Variants in GAREM1 observed in about 807,000 individuals in gnomAD.
The protein encoded by GAREM1 is GRB2 associated regulator of MAPK1 subtype 1, also known as GRB2-associated and regulator of MAPK protein 1.
GAREM1 carries 26 observed loss-of-function variants against 71.3 expected under a neutral mutation model. That is an observed-to-expected ratio of 0.36 (90% CI 0.27 to 0.51). GAREM1 has a LOEUF of 0.51. Ranked by LOEUF, GAREM1 falls within the 20% of genes least tolerant of loss-of-function variation. GAREM1 has a pLI of 0.95. For synonymous variants in GAREM1, 440 were observed against 433.2 expected, an observed-to-expected ratio of 1.02 and a Z score of -0.20; for missense variants, 1,026 against 1,103.1, an observed-to-expected ratio of 0.93 and a Z score of 0.99.
chr18:32,290,548 G>A (rs1478795127), intron 3 of GAREM1, among the ~76,000 whole-genome samples: 1 of 151,494 alleles, frequency 6.6e-6, no homozygotes, highest in Non-Finnish European at 1.5e-5. Context: ...TGGAGGCTGA[G>A]GCAGGAGAAT....
chr18:32,401,165 G>A (rs1249518023), intron 1 of GAREM1, among the ~76,000 whole-genome samples: 1 of 152,060 alleles, frequency 6.6e-6, no homozygotes, highest in Non-Finnish European at 1.5e-5. Flanking sequence ...TCACACACCA[G>A]GGCCTGTCGT....
At chr18:32,465,460 T>C (rs902802251) in intron 1 of GAREM1, among the ~76,000 whole-genome samples, 9 of 152,100 alleles carry the variant, frequency 5.9e-5, no homozygotes, top group African/African-American at 2.2e-4. Context: ...AAGGACCAAA[T>C]TTCCCACAGT....
intron 2 of GAREM1, among the ~76,000 whole-genome samples, chr18:32,368,449 A>G (rs1023072299): frequency 6.6e-6 from 1 of 152,208 alleles, no homozygotes; most frequent in African/African-American, 2.4e-5. Context: ...CTCTCAAGCT[A>G]CTTTCCTGGA....
rs1291099074 is a variant in GAREM1 at position 32,385,181 on chromosome 18, CT to C, written c.262+7713del. 4.0e-3 allele frequency among the ~76,000 whole-genome samples: 587 copies of C among 145,836 alleles called. 4 individuals carry two copies. The highest frequency in any genetic ancestry group is 0.012 in the African/African-American group (468 of 39,930). On this transcript the variant is annotated intron_variant, in intron 2 of 5. Transcript: ENST00000269209. ...TCCTATGTCCTCTTTCTTGGCTTCCCTTTTTTTTTTTAAATAAAATTTTTAT... is the reference window on the plus strand; with the variant it reads ...TCCTATGTCCTCTTTCTTGGCTTCCCTTTTTTTTTTAAATAAAATTTTTAT...
chr18:32,397,953 T>G (rs1446616898), intron 1 of GAREM1, among the ~76,000 whole-genome samples: 1 of 152,168 alleles, frequency 6.6e-6, no homozygotes, highest in Admixed American at 6.6e-5. Flanking sequence ...ACAGAAATTA[T>G]AACGAACTGT....
chr18:32,326,478 G>C (rs2047476296), intron 2 of GAREM1, among the ~76,000 whole-genome samples: 1 of 152,182 alleles, frequency 6.6e-6, no homozygotes, highest in African/African-American at 2.4e-5. Flanking sequence ...CCCCACTCTT[G>C]CTAAGTCTTT....
intron 2 of GAREM1, among the ~76,000 whole-genome samples, chr18:32,354,262 G>C (rs1288742791): frequency 2.0e-5 from 3 of 152,154 alleles, no homozygotes; most frequent in South Asian, 2.1e-4. Context: ...AACTTAGTTT[G>C]AAAGTATGAA....
At chr18:32,451,248 T>C (rs7242383) in intron 1 of GAREM1, among the ~76,000 whole-genome samples, 12,734 of 102,110 alleles carry the variant, frequency 0.12, 776 homozygotes, top group African/African-American at 0.26. Flanking sequence ...AGAGCCCCCA[T>C]CCCCCCACCC....
intron 2 of GAREM1, among the ~76,000 whole-genome samples, chr18:32,346,000 CT>C (rs1043848814): frequency 2.0e-5 from 3 of 150,954 alleles, no homozygotes; most frequent in Admixed American, 6.6e-5. Flanking sequence ...TCTAGAATTT[CT>C]TTTTTTTTCA....
chr18:32,422,221 T>C (rs1339301779), intron 1 of GAREM1, among the ~76,000 whole-genome samples: 2 of 152,076 alleles, frequency 1.3e-5, no homozygotes, highest in African/African-American at 4.8e-5. Flanking sequence ...TTCTCGCCTA[T>C]GAGTGAGAAC....
chr18:32,292,888 A>G (rs1000873306), intron 3 of GAREM1, among the ~76,000 whole-genome samples: 31 of 152,292 alleles, frequency 2.0e-4, no homozygotes, highest in African/African-American at 7.0e-4. Context: ...CTTTTGGTAG[A>G]TTTGTTTTTC....
chr18:32,335,934 T>C (rs1415567343), intron 2 of GAREM1, among the ~76,000 whole-genome samples: 4 of 152,118 alleles, frequency 2.6e-5, no homozygotes, highest in Non-Finnish European at 4.4e-5. Context: ...AGAGTGACCA[T>C]GGGAGCAACG....
intron 4 of GAREM1, among the ~76,000 whole-genome samples, chr18:32,283,536 ACT>A (rs1243247437): frequency 1.3e-5 from 2 of 151,782 alleles, no homozygotes; most frequent in Non-Finnish European, 2.9e-5. Flanking sequence ...ACAGAGCCAG[ACT>A]CTGTCTCAAA....
intron 1 of GAREM1, among the ~76,000 whole-genome samples, chr18:32,468,180 C>T (rs1354222631): frequency 6.6e-6 from 1 of 152,140 alleles, no homozygotes; most frequent in African/African-American, 2.4e-5. Flanking sequence ...AGTAGAAATA[C>T]ATTCTAACCA....
At chr18:32,285,273 A>C (rs975749118) in intron 4 of GAREM1, among the ~76,000 whole-genome samples, 1 of 152,174 alleles carries the variant, frequency 6.6e-6, no homozygotes, top group African/African-American at 2.4e-5. Context: ...CAAGCCCTGC[A>C]ACAGAGGGCC....
intron 2 of GAREM1, among the ~76,000 whole-genome samples, chr18:32,376,944 G>A (rs1183114333): frequency 1.3e-5 from 2 of 152,184 alleles, no homozygotes; most frequent in African/African-American, 4.8e-5. Flanking sequence ...TTTAGTATAA[G>A]CCAGTGTGTT....
chr18:32,458,274 T>C (rs1457839383), intron 1 of GAREM1, among the ~76,000 whole-genome samples: 1 of 152,104 alleles, frequency 6.6e-6, no homozygotes, highest in Non-Finnish European at 1.5e-5. Context: ...AACAATGAAG[T>C]CATCTTTGGG....
intron 1 of GAREM1, among the ~76,000 whole-genome samples, chr18:32,468,960 T>TCCCCCCCCCC (rs34977174): frequency 3.0e-3 from 248 of 82,166 alleles, no homozygotes; most frequent in African/African-American, 3.9e-3. Flanking sequence ...CACCTGTGCG[T>TCCCCCCCCCC]CCCCCCCCCC....
intron 4 of GAREM1, among the ~76,000 whole-genome samples, chr18:32,285,345 C>T (rs1392410246): frequency 2.0e-5 from 3 of 152,166 alleles, no homozygotes; most frequent in East Asian, 3.9e-4. Flanking sequence ...GACAGCTAAG[C>T]GTGGAGCCTG....
Sources: allele counts gnomAD v4.1 joint callset (sites outside exome capture counted in the v4.1 genomes callset), GRCh38; gene constraint gnomAD v4.1.1; transcripts MANE v1.5; gene names NCBI Gene and HGNC (gene_info 2026-07-23, HGNC 2026-07-21).